The following KLHL24 variants were observed in gnomAD, a reference collection of about 807,000 sequenced individuals.
KLHL24 encodes kelch-like protein 24.
KLHL24 carries 29 observed loss-of-function variants against 53.4 expected under a neutral mutation model. That is an observed-to-expected ratio of 0.54 (90% CI 0.40 to 0.74). The LOEUF is 0.74. KLHL24 is among the 30% of genes least tolerant of loss of function. The probability of loss-of-function intolerance (pLI) is 0.00; values close to 1 mark genes in which losing one functional copy is unlikely to be tolerated. For missense variants in KLHL24, 504 were observed against 744.0 expected (o/e 0.68, Z 3.75); for synonymous variants, 222 against 253.7 (o/e 0.88, Z 1.19).
chr3:183,653,707 A>G (rs1576916322), intron 3 of KLHL24, among the ~76,000 whole-genome samples: 1 of 152,194 alleles, frequency 6.6e-6, no homozygotes, highest in East Asian at 1.9e-4. Flanking sequence ...GTATGGGGAG[A>G]GAATTTTAGG....
In KLHL24 at chr3:183,680,191, G is replaced by T. The variant is rs1653391553; in HGVS notation, c.*905G>T. 1 of 152,308 alleles carries T rather than the reference G, an allele frequency of 6.6e-6. No homozygotes were observed. Among genetic ancestry groups the T allele is most frequent in the Non-Finnish European group, 1.5e-5 (1 of 68,136 alleles). 9.4% of individuals were successfully genotyped at this position (152,308 alleles called of 1,614,324 possible). A position where few individuals can be genotyped will look rare whatever the true frequency, so the allele number is the denominator to read the frequency against. ...ACCTGTACTCCCAACTACTCAGCAG[G>T]CTGGGGCAGGAGGATTGCTTGAGCC... On this transcript the variant is annotated 3_prime_UTR_variant, in exon 8 of 8. Coordinates refer to ENST00000242810, the MANE Select transcript of KLHL24 (RefSeq NM_017644.3).
At chr3:183,670,639 A>C (rs1206042825) in intron 5 of KLHL24, among the ~76,000 whole-genome samples, 1 of 152,236 alleles carries the variant, frequency 6.6e-6, no homozygotes, top group African/African-American at 2.4e-5. Context: ...AAGTGTGAAT[A>C]TTTAAGCTAA....
In KLHL24 at chr3:183,683,865, T is replaced by A. The variant is rs1712936059; in HGVS notation, c.*4579T>A. ...TTTGTTTCCTATAGAGTAAATAAACTTCCCCTTCTTAAATTGTGTAATAAG... is the reference window on the plus strand; with the variant it reads ...TTTGTTTCCTATAGAGTAAATAAACATCCCCTTCTTAAATTGTGTAATAAG... On this transcript the variant is annotated 3_prime_UTR_variant, in exon 8 of 8. Transcript: ENST00000242810. 1 of 152,652 alleles carries A rather than the reference T, an allele frequency of 6.6e-6. No homozygotes were observed. The allele number at this position is 152,652 out of a possible 1,614,324, so 9.5% of individuals were successfully genotyped here. A position where few individuals can be genotyped will look rare whatever the true frequency, so the allele number is the denominator to read the frequency against.
chr3:183,647,320 G>T (rs1474552721), intron 2 of KLHL24, among the ~76,000 whole-genome samples: 1 of 152,118 alleles, frequency 6.6e-6, no homozygotes, highest in African/African-American at 2.4e-5. Context: ...GGAGGCTGAG[G>T]CAGGAGAATC....
intron 1 of KLHL24, among the ~76,000 whole-genome samples, chr3:183,640,042 A>T (rs903909322): frequency 6.6e-6 from 1 of 152,170 alleles, no homozygotes; most frequent in Non-Finnish European, 1.5e-5. Flanking sequence ...AAATAACCAA[A>T]ACCATTTTTC....
chr3:183,644,034 C>CTTTTTTTTTTTTT lies in KLHL24; in HGVS notation c.-62+505_-62+517dup, dbSNP rs397955282. The CTTTTTTTTTTTTT allele has an allele frequency of 7.6e-4, 58 of 76,106 alleles. 1 individual carries two copies. Among genetic ancestry groups the CTTTTTTTTTTTTT allele is most frequent in the African/African-American group, 2.9e-3 (48 of 16,514 alleles). The allele number at this position is 76,106 out of a possible 1,614,324, so 4.7% of individuals were successfully genotyped here. On this transcript the variant is annotated intron_variant, in intron 2 of 7. Coordinates refer to ENST00000242810, the MANE Select transcript of KLHL24 (RefSeq NM_017644.3). ...GATGATAGGATAACATTTTTCTTTC[C>CTTTTTTTTTTTTT]TTTTTTTTTTTTTTTTTTTTTTTTT...
chr3:183,677,385 T>C (rs1712070104), intron 7 of KLHL24, among the ~76,000 whole-genome samples: 1 of 152,196 alleles, frequency 6.6e-6, no homozygotes, highest in Non-Finnish European at 1.5e-5. Flanking sequence ...CCATAATTGG[T>C]GCAATTCATG....
chr3:183,639,780 T>C (rs1231782765), intron 1 of KLHL24, among the ~76,000 whole-genome samples: 2 of 151,862 alleles, frequency 1.3e-5, no homozygotes, highest in Admixed American at 1.3e-4. Context: ...CCGGGCCAGG[T>C]GGATCACCAG....
chr3:183,677,800 A>G (rs116506840), intron 7 of KLHL24, among the ~76,000 whole-genome samples: 3,335 of 151,204 alleles, frequency 0.022, 124 homozygotes, highest in African/African-American at 0.077. Context: ...TTGTTTGTTT[A>G]TTTTTTTTGA....
At chr3:183,660,172 C>T (rs114912686) in intron 3 of KLHL24, among the ~76,000 whole-genome samples, 1,570 of 149,876 alleles carry the variant, frequency 0.01, 13 homozygotes, top group Non-Finnish European at 0.016. Flanking sequence ...CCCTCTGTCA[C>T]CCAGCCTAGA....
At chr3:183,647,043 C>A (rs1717368542) in intron 2 of KLHL24, among the ~76,000 whole-genome samples, 1 of 149,560 alleles carries the variant, frequency 6.7e-6, no homozygotes, top group Non-Finnish European at 1.5e-5. Flanking sequence ...GATTTCCTGA[C>A]CTTGTGATCC....
chr3:183,659,142 A>T (rs16857906), intron 3 of KLHL24, among the ~76,000 whole-genome samples: 50,596 of 151,458 alleles, frequency 0.33, 9,239 homozygotes, highest in African/African-American at 0.49. Flanking sequence ...TAGGTTGTTG[A>T]TTTTTTTCTG....
Position 183,650,768 on chromosome 3 carries a change from TATCTCTTTGAGAC to T in KLHL24, c.416_428del (p.Leu139GlnfsTer27). ...GAAGATCACTACAGAGAATGTACAG[TATCTCTTTGAGAC>T]ATCAAGCCTCTTTCAGATTAGTGTT... is the stretch of plus-strand genomic sequence containing the variant. On this transcript the variant is annotated frameshift_variant, in exon 3 of 8. Transcript: ENST00000242810. LOFTEE classifies it high-confidence loss of function. The surrounding 1 kb of genome is among the most constrained non-coding windows in gnomAD (Gnocchi z 4.5). 6.2e-7 allele frequency: 1 copy of T among 1,613,888 alleles called. No homozygotes were observed. Among genetic ancestry groups the T allele is most frequent in the East Asian group, 2.2e-5 (1 of 44,892 alleles).
At chr3:183,671,374 T>C (rs1224642229) in intron 6 of KLHL24, 152 bp downstream of exon 6, 1 of 577,372 alleles carries the variant, frequency 1.7e-6, no homozygotes, top group East Asian at 2.9e-5. Context: ...CATTGAATTC[T>C]GGGTTGCTAA....
chr3:183,646,361 CA>C (rs35945634), intron 2 of KLHL24, among the ~76,000 whole-genome samples: 20,170 of 66,786 alleles, frequency 0.3, 1,175 homozygotes, highest in East Asian at 0.42. Context: ...GACTCCATCT[CA>C]AAAAAAAAAA....
intron 3 of KLHL24, among the ~76,000 whole-genome samples, chr3:183,658,770 T>C: frequency 6.6e-6 from 1 of 152,062 alleles, no homozygotes; most frequent in East Asian, 1.9e-4. Flanking sequence ...GTGAAAGTGG[T>C]ATCTCATAAT....
At chr3:183,677,723 C>G (rs1712128544) in intron 7 of KLHL24, among the ~76,000 whole-genome samples, 1 of 152,136 alleles carries the variant, frequency 6.6e-6, no homozygotes, top group African/African-American at 2.4e-5. Flanking sequence ...GGAAGAATAT[C>G]TGGCCTGCAG....
At chr3:183,672,164 T>C in intron 6 of KLHL24, 132 bp from the exon 7 acceptor site, 1 of 478,690 alleles carries the variant, frequency 2.1e-6, no homozygotes, top group South Asian at 5.4e-5. Flanking sequence ...ACTATCAGGC[T>C]AACCTCTCTT....
At chr3:183,656,220 G>C (rs977912655) in intron 3 of KLHL24, among the ~76,000 whole-genome samples, 2 of 151,570 alleles carry the variant, frequency 1.3e-5, no homozygotes, top group East Asian at 3.9e-4. Context: ...GTAGAAATGG[G>C]GTTTCCCCAT....
Sources: allele counts gnomAD v4.1 joint callset (sites outside exome capture counted in the v4.1 genomes callset), GRCh38; gene constraint gnomAD v4.1.1; non-coding constraint Gnocchi (gnomAD v3.1); transcripts MANE v1.5; gene names NCBI Gene and HGNC (gene_info 2026-07-23, HGNC 2026-07-21).